The following PHACTR1 variants were observed in gnomAD, a reference collection of about 807,000 sequenced individuals.
PHACTR1 encodes RPEL repeat containing 1.
PHACTR1 carries 16 observed loss-of-function variants against 69.2 expected under a neutral mutation model. The ratio of observed to expected loss-of-function variants is 0.23; its 90% CI spans 0.16 to 0.35. PHACTR1 has a LOEUF of 0.35. Ranked by LOEUF, PHACTR1 falls within the 10% of genes least tolerant of loss-of-function variation. The probability of loss-of-function intolerance (pLI) is 1.00; values close to 1 mark genes in which losing one functional copy is unlikely to be tolerated. For missense variants in PHACTR1, 510 were observed against 734.7 expected (o/e 0.69, Z 3.54); for synonymous variants, 312 against 284.5 (o/e 1.10, Z -0.97).
intron 4 of PHACTR1, among the ~76,000 whole-genome samples, chr6:12,867,326 G>A (rs10434831): frequency 0.027 from 4,057 of 152,240 alleles, 135 homozygotes; most frequent in East Asian, 0.13. Context: ...ACCTCACTAG[G>A]CTCATTGCAA....
intron 4 of PHACTR1, among the ~76,000 whole-genome samples, chr6:12,821,473 AAAAAAAAAAAAGAG>A (rs1374996871): frequency 2.9e-5 from 3 of 104,016 alleles, no homozygotes; most frequent in Admixed American, 1.1e-4. Flanking sequence ...AAAAAAAAAA[AAAAAAAAAAAAGAG>A]AGAGAGAGAG....
chr6:13,079,402 A>G (rs1350855148), intron 5 of PHACTR1, among the ~76,000 whole-genome samples: 1 of 152,068 alleles, frequency 6.6e-6, no homozygotes, highest in Non-Finnish European at 1.5e-5. Context: ...CATTTATGTG[A>G]TTTGTCAGAG....
At chr6:12,969,967 CA>C (rs1305257137) in intron 4 of PHACTR1, among the ~76,000 whole-genome samples, 5 of 150,726 alleles carry the variant, frequency 3.3e-5, no homozygotes, top group African/African-American at 1.2e-4. Context: ...CATCTTAAAA[CA>C]AAAAACAAAA....
At chr6:13,124,214 T>C (rs1819178002) in intron 5 of PHACTR1, among the ~76,000 whole-genome samples, 1 of 152,196 alleles carries the variant, frequency 6.6e-6, no homozygotes, top group African/African-American at 2.4e-5. Context: ...CTCTTGTTGA[T>C]GCTAGGAGAG....
At chr6:12,991,260 T>C (rs1796787399) in intron 4 of PHACTR1, among the ~76,000 whole-genome samples, 3 of 152,172 alleles carry the variant, frequency 2.0e-5, no homozygotes, top group Admixed American at 2.0e-4. Context: ...GCTAACACAC[T>C]GACCCAGGGT....
intron 4 of PHACTR1, among the ~76,000 whole-genome samples, chr6:13,008,587 T>C (rs1799087235): frequency 6.6e-6 from 1 of 152,164 alleles, no homozygotes; most frequent in Admixed American, 6.5e-5. Context: ...ATACTTCCAG[T>C]CTAGCATCTG....
At position 13,277,629 on chromosome 6, in the gene PHACTR1, CTG is replaced by C. The variant is rs112039036; in HGVS notation, c.1448-633_1448-632del. Among the ~76,000 whole-genome samples the C allele has an allele frequency of 2.4e-3, 359 of 151,822 alleles. 1 individual carries two copies. The highest frequency in any genetic ancestry group is 7.9e-3 in the African/African-American group (329 of 41,422). On this transcript the variant is annotated intron_variant, in intron 11 of 14. Coordinates refer to ENST00000332995, the MANE Select transcript of PHACTR1 (RefSeq NM_030948.6). ...AGGAGCCTCACATCTCCCCAAATGC[CTG>C]TGTGTCCCCGTGTCAACATTCCCAC...
intron 5 of PHACTR1, among the ~76,000 whole-genome samples, chr6:13,093,582 A>G (rs978549699): frequency 5.9e-5 from 9 of 152,352 alleles, no homozygotes; most frequent in African/African-American, 2.2e-4. Context: ...CCGCACTAAC[A>G]TAGACAACTC....
intron 4 of PHACTR1, among the ~76,000 whole-genome samples, chr6:12,922,109 C>A (rs1247838797): frequency 5.3e-5 from 8 of 152,126 alleles, no homozygotes; most frequent in South Asian, 2.1e-4. Context: ...ATAAGGAATA[C>A]CCCATGTCAT....
chr6:13,083,316 G>A (rs976486215), intron 5 of PHACTR1, among the ~76,000 whole-genome samples: 33 of 152,098 alleles, frequency 2.2e-4, no homozygotes, highest in Admixed American at 2.2e-3. Flanking sequence ...CTCTGTTTTG[G>A]TACCAGTACC....
At chr6:13,286,354 G>T (rs1781697767) in intron 14 of PHACTR1, 132 bp downstream of exon 14, 1 of 719,704 alleles carries the variant, frequency 1.4e-6, no homozygotes, top group East Asian at 3.0e-5. Flanking sequence ...TAGGAAGGCA[G>T]GCATGCGGTT....
chr6:12,923,567 A>G (rs115551443), intron 4 of PHACTR1, among the ~76,000 whole-genome samples: 2,163 of 152,316 alleles, frequency 0.014, 49 homozygotes, highest in African/African-American at 0.049. Context: ...ATACTTTGAT[A>G]TTGAAATTAT....
intron 4 of PHACTR1, among the ~76,000 whole-genome samples, chr6:13,032,564 G>A (rs1037108563): frequency 3.9e-5 from 6 of 151,918 alleles, no homozygotes; most frequent in Admixed American, 2.6e-4. Context: ...ATATTTATGC[G>A]ATATTTACTT....
intron 8 of PHACTR1, among the ~76,000 whole-genome samples, chr6:13,212,652 T>A (rs2113922885): frequency 6.6e-6 from 1 of 152,266 alleles, no homozygotes; most frequent in South Asian, 2.1e-4. Flanking sequence ...CCTCGCTTCA[T>A]CAGCTCCCCT....
intron 4 of PHACTR1, among the ~76,000 whole-genome samples, chr6:12,997,591 A>G (rs890295408): frequency 2.0e-5 from 3 of 152,166 alleles, no homozygotes; most frequent in African/African-American, 7.2e-5. Context: ...TAGCATATCC[A>G]TCACCTCAAA....
intron 4 of PHACTR1, among the ~76,000 whole-genome samples, chr6:12,971,479 A>G (rs1320865299): frequency 6.6e-6 from 1 of 152,216 alleles, no homozygotes; most frequent in African/African-American, 2.4e-5. Flanking sequence ...GAAATTGGTA[A>G]GGTAAGCCTG....
intron 4 of PHACTR1, among the ~76,000 whole-genome samples, chr6:12,774,580 GACAGGGTTTC>G (rs1290722436): frequency 1.3e-5 from 2 of 152,082 alleles, no homozygotes; most frequent in African/African-American, 2.4e-5. Flanking sequence ...TTTTAGTAGA[GACAGGGTTTC>G]ACCATGTTGG....
intron 5 of PHACTR1, among the ~76,000 whole-genome samples, chr6:13,129,011 A>G (rs891716614): frequency 2.0e-5 from 3 of 152,206 alleles, no homozygotes; most frequent in Admixed American, 6.5e-5. Context: ...CCCTCCTGAA[A>G]TAAAATAATT....
intron 5 of PHACTR1, among the ~76,000 whole-genome samples, chr6:13,076,600 A>C (rs1195494056): frequency 6.6e-6 from 1 of 152,184 alleles, no homozygotes; most frequent in East Asian, 1.9e-4. Flanking sequence ...TTGGTTACAA[A>C]GATGAAAAAA....
Sources: allele counts gnomAD v4.1 joint callset (sites outside exome capture counted in the v4.1 genomes callset), GRCh38; gene constraint gnomAD v4.1.1; transcripts MANE v1.5; gene names NCBI Gene and HGNC (gene_info 2026-07-23, HGNC 2026-07-21).